Variants in SLC30A4 observed in about 807,000 individuals in gnomAD.
SLC30A4 encodes the protein solute carrier family 30 member 4.
A neutral mutation model predicts 41.7 loss-of-function variants in SLC30A4; 20 were observed. That is an observed-to-expected ratio of 0.48 (90% CI 0.34 to 0.70). The LOEUF is 0.70. Ranked by LOEUF, SLC30A4 falls within the 30% of genes least tolerant of loss-of-function variation. The pLI, the probability that SLC30A4 is intolerant of heterozygous loss-of-function variation, is 0.01. For synonymous variants in SLC30A4, 181 were observed against 195.9 expected (o/e 0.92, Z 0.64); for missense variants, 441 against 529.3 (o/e 0.83, Z 1.64).
intron 5 of SLC30A4, 134 bp downstream of exon 5, chr15:45,488,707 G>A: frequency 1.5e-6 from 1 of 670,760 alleles, no homozygotes; most frequent in Non-Finnish European, 2.5e-6. Context: ...TATAATGATT[G>A]TCAAGTAAAC....
intron 3 of SLC30A4, among the ~76,000 whole-genome samples, chr15:45,504,086 CAG>C (rs1892099352): frequency 6.6e-6 from 1 of 152,146 alleles, no homozygotes; most frequent in Non-Finnish European, 1.5e-5. Context: ...TAATAGCCTC[CAG>C]AGTAACTAAA....
intron 4 of SLC30A4, 82 bp from the exon 5 acceptor site, chr15:45,489,124 A>G: frequency 1.1e-6 from 1 of 912,342 alleles, no homozygotes. Flanking sequence ...TAATGAGGTA[A>G]CATGGAACTC....
At chr15:45,503,094 A>G (rs1892074414) in intron 3 of SLC30A4, 1 of 151,226 alleles carries the variant, frequency 6.6e-6, no homozygotes, top group Non-Finnish European at 1.5e-5. Flanking sequence ...ACACCTTCAC[A>G]TGTGTAATAT....
rs956062227 is a variant in SLC30A4, at chr15:45,522,053, T to C, written c.302A>G (p.Gln101Arg). The C allele has an allele frequency of 1.2e-6, 2 of 1,614,208 alleles. No homozygotes were observed. The highest frequency in any genetic ancestry group is 1.3e-5 in the African/African-American group (1 of 75,062). ...CTTTCTCTGCTTCAGTATCTCTCTC[T>C]GTTTGCTGCAGTTGTCACAGGAGTC... ...KVDSCDNCSK[Q>R]REILKQRKVK... Residue 101 changes from glutamine (Q) to arginine (R), a missense_variant, in exon 2 of 8, where the codon CAG (glutamine) becomes CGG (arginine). Gln to Arg is a conservative substitution (Grantham distance 43). Transcript: ENST00000261867.
rs1025950072 is a variant in SLC30A4, at chr15:45,487,732, A to G, written c.895-100T>C. ...TGTCCCTTCTTGCTTGATTTTCTTT[A>G]GCAGAATTACAGAATACCTTTAAAA... On this transcript the variant is annotated intron_variant, in intron 5 of 7. Coordinates refer to ENST00000261867, the MANE Select transcript of SLC30A4 (RefSeq NM_013309.6). 1.9e-5 allele frequency: 12 copies of G among 634,446 alleles called. No individual in the cohort carries two copies. In the Admixed American group the frequency reaches 2.5e-4, roughly 13 times the overall value. 39.3% of individuals were successfully genotyped at this position (634,446 alleles called of 1,614,324 possible).
intron 6 of SLC30A4, 145 bp downstream of exon 6, chr15:45,487,382 G>A: frequency 2.2e-6 from 1 of 453,902 alleles, no homozygotes; most frequent in Non-Finnish European, 4.0e-6. Context: ...ATTCTTACAT[G>A]TTACATACAT....
intron 3 of SLC30A4, among the ~76,000 whole-genome samples, chr15:45,493,435 GA>G (rs1164899612): frequency 6.6e-6 from 1 of 152,114 alleles, no homozygotes; most frequent in Non-Finnish European, 1.5e-5. Context: ...AAGTATATTG[GA>G]CTCTGACACA....
intron 2 of SLC30A4, 135 bp from the exon 3 acceptor site, chr15:45,511,419 G>A (rs1215800659): frequency 5.4e-6 from 3 of 552,492 alleles, no homozygotes; most frequent in Non-Finnish European, 9.0e-6. Context: ...TTAAATCAAG[G>A]TATTCTGAAA....
At chr15:45,494,517 T>G (rs1891871686) in intron 3 of SLC30A4, among the ~76,000 whole-genome samples, 2 of 152,080 alleles carry the variant, frequency 1.3e-5, no homozygotes, top group Admixed American at 1.3e-4. Flanking sequence ...AAACCCCATC[T>G]CTACTAAAAG....
intron 7 of SLC30A4, among the ~76,000 whole-genome samples, chr15:45,485,856 T>A (rs1891692756): frequency 6.6e-6 from 1 of 151,956 alleles, no homozygotes; most frequent in African/African-American, 2.4e-5. Flanking sequence ...TAGCTGGGAT[T>A]ACAGGCACGT....
intron 2 of SLC30A4, among the ~76,000 whole-genome samples, chr15:45,517,388 T>C (rs921250717): frequency 1.3e-4 from 19 of 144,460 alleles, no homozygotes; most frequent in African/African-American, 4.9e-4. Flanking sequence ...AGTTTTGCTC[T>C]TGTTGCCCAG....
chr15:45,492,033 G>A lies in SLC30A4; in HGVS notation c.539-1152C>T, dbSNP rs1031886318. Among the ~76,000 whole-genome samples, 14 of 152,022 alleles carry A rather than the reference G, an allele frequency of 9.2e-5. No individual in the cohort carries two copies. In the South Asian group the frequency reaches 1.9e-3, roughly 20 times the overall value. On this transcript the variant is annotated intron_variant, in intron 3 of 7. Transcript: ENST00000261867. ...TAGCCAGAGTTAGCAAGGATCTACC[G>A]GTGGAAGTATCAAATAGTATTACCT...
rs1892713031 is a variant in SLC30A4, at chr15:45,522,627, C to G, written c.-135G>C. On this transcript the variant is annotated 5_prime_UTR_variant, in exon 1 of 8. Coordinates refer to ENST00000261867, the MANE Select transcript of SLC30A4 (RefSeq NM_013309.6). ...AATACCTGGGGCGCTGCCGCGGGGC[C>G]GCAACTCATCTCCCCGCCCCCGGCC... 1 of 308,374 alleles carries G rather than the reference C, an allele frequency of 3.2e-6. No individual in the cohort carries two copies. The highest frequency in any genetic ancestry group is 5.9e-6 in the Non-Finnish European group (1 of 170,398). The allele number at this position is 308,374 out of a possible 1,614,324, so 19.1% of individuals were successfully genotyped here. A position where few individuals can be genotyped will look rare whatever the true frequency, so the allele number is the denominator to read the frequency against.
At chr15:45,485,426 G>T in intron 7 of SLC30A4, 109 bp from the exon 8 acceptor site, 1 of 709,886 alleles carries the variant, frequency 1.4e-6, no homozygotes, top group Non-Finnish European at 2.2e-6. Flanking sequence ...TTATTAGTCT[G>T]ATTTCTACCC....
rs1891589919 is a variant in SLC30A4, at chr15:45,480,711, T to C, written c.*4452A>G. 6.6e-6 allele frequency: 1 copy of C among 152,222 alleles called. No homozygotes were observed. Among genetic ancestry groups the C allele is most frequent in the Non-Finnish European group, 1.5e-5 (1 of 68,038 alleles). The allele number at this position is 152,222 out of a possible 1,614,324, so 9.4% of individuals were successfully genotyped here. A position where few individuals can be genotyped will look rare whatever the true frequency, so the allele number is the denominator to read the frequency against. On this transcript the variant is annotated 3_prime_UTR_variant, in exon 8 of 8. Coordinates refer to ENST00000261867, the MANE Select transcript of SLC30A4 (RefSeq NM_013309.6). ...GCTCATATTCTGTAAGAACACCATA[T>C]TAAGTTGAGCCAATTAACATATATG...
intron 2 of SLC30A4, among the ~76,000 whole-genome samples, chr15:45,516,526 A>G (rs767351987): frequency 2.6e-5 from 4 of 151,860 alleles, no homozygotes; most frequent in Non-Finnish European, 5.9e-5. Context: ...TTTCCTCTCC[A>G]GTTTTCCTCA....
At chr15:45,510,085 C>T (rs1892249968) in intron 3 of SLC30A4, among the ~76,000 whole-genome samples, 2 of 151,018 alleles carry the variant, frequency 1.3e-5, no homozygotes, top group East Asian at 1.9e-4. Context: ...TGCACTCCAG[C>T]CTGGGCAACA....
At chr15:45,507,161 A>T (rs1043858961) in intron 3 of SLC30A4, among the ~76,000 whole-genome samples, 1 of 151,862 alleles carries the variant, frequency 6.6e-6, no homozygotes, top group Non-Finnish European at 1.5e-5. Flanking sequence ...CTCTACTAAA[A>T]ATACAAAAAT....
intron 3 of SLC30A4, among the ~76,000 whole-genome samples, chr15:45,497,779 C>T (rs902348519): frequency 6.6e-6 from 1 of 152,098 alleles, no homozygotes; most frequent in Non-Finnish European, 1.5e-5. Flanking sequence ...CGCTGTCATC[C>T]TCTGTTATTT....
Sources: gnomAD v4.1 joint callset for allele counts (sites outside exome capture counted in the v4.1 genomes callset) on GRCh38, gnomAD v4.1.1 for gene constraint, MANE v1.5 for transcripts, NCBI Gene and HGNC (gene_info 2026-07-23, HGNC 2026-07-21) for gene names.